Variants in SYNE2 observed in about 807,000 individuals in gnomAD.
SYNE2 encodes the protein nesprin-2.
Under a neutral mutation model 856.3 loss-of-function variants are expected in SYNE2, and 431 were observed. The ratio of observed to expected loss-of-function variants is 0.50; its 90% CI spans 0.47 to 0.55. The LOEUF (loss-of-function observed/expected upper bound fraction) is 0.55, where lower values mean the gene tolerates loss of function less well. SYNE2 is among the 20% of genes least tolerant of loss of function. The probability of loss-of-function intolerance (pLI) is 0.00; values close to 1 mark genes in which losing one functional copy is unlikely to be tolerated. For synonymous variants in SYNE2, 2,923 were observed against 2,872.3 expected, an observed-to-expected ratio of 1.02 and a Z score of -0.56; for missense variants, 8,129 against 8,023.2, an observed-to-expected ratio of 1.01 and a Z score of -0.50.
At chr14:63,881,897 TG>T (rs780592039) in intron 1 of SYNE2, among the ~76,000 whole-genome samples, 1 of 152,242 alleles carries the variant, frequency 6.6e-6, no homozygotes, top group South Asian at 2.1e-4. Flanking sequence ...TATTGAATTA[TG>T]GAGACTGTTA....
intron 1 of SYNE2, among the ~76,000 whole-genome samples, chr14:63,817,615 T>C (rs577140362): frequency 6.6e-6 from 1 of 152,354 alleles, no homozygotes; most frequent in East Asian, 1.9e-4. Flanking sequence ...CTTTAAATTA[T>C]AGTCAATAAA....
chr14:63,954,910 C>G lies in SYNE2; in HGVS notation c.782C>G (p.Pro261Arg). 6.2e-7 allele frequency: 1 copy of G among 1,611,702 alleles called. No individual in the cohort carries two copies. The highest frequency in any genetic ancestry group is 8.5e-7 in the Non-Finnish European group (1 of 1,178,954). The change falls in exon 8 of 116, where the codon CCA becomes CGA. Residue 261 changes from proline (P) to arginine (R), a missense_variant. Pro to Arg is a moderately radical substitution (Grantham distance 103, BLOSUM62 -2). Around this residue, in one of 3 missense-constraint regions of SYNE2, gnomAD observed 2,422 missense variants for 2,357.4 expected, o/e 1.03. Transcript: ENST00000555002. Reference sequence around the variant, plus strand: ...TTAAAAATCCCCAGATTGCTGGAACCAGAAGGTAAAGAAGCTTCTTTGTTT... The same window carrying G: ...TTAAAAATCCCCAGATTGCTGGAACGAGAAGGTAAAGAAGCTTCTTTGTTT... ...QELKIPRLLE[P>R]EDVDVVDPDE...
chr14:64,020,147 C>T, intron 35 of SYNE2, 54 bp downstream of exon 35: 2 of 1,139,030 alleles, frequency 1.8e-6, no homozygotes, highest in Non-Finnish European at 2.6e-6. Context: ...AAGCCATAAT[C>T]ATATCACTGC....
chr14:64,107,432 A>C, intron 64 of SYNE2, 59 bp from the exon 65 acceptor site: 1 of 1,433,948 alleles, frequency 7.0e-7, no homozygotes, highest in Non-Finnish European at 9.8e-7. Context: ...CGCAGAAAGA[A>C]GAATTCATGT....
intron 84 of SYNE2, 67 bp from the exon 85 acceptor site, chr14:64,152,497 T>C: frequency 6.5e-7 from 1 of 1,536,140 alleles, no homozygotes; most frequent in Non-Finnish European, 9.0e-7. Flanking sequence ...TGAACTCCTG[T>C]CTCTGACACC....
At chr14:63,771,896 C>CAAAAAAAAAAAAA (rs59481661) in intron 1 of SYNE2, among the ~76,000 whole-genome samples, 25 of 148,034 alleles carry the variant, frequency 1.7e-4, no homozygotes, top group African/African-American at 6.6e-4. Context: ...GACTCTGTCT[C>CAAAAAAAAAAAAA]AAAAAGCAAA....
At position 64,130,057 on chromosome 14, in the gene SYNE2, G is replaced by T; in HGVS notation, c.14149G>T (p.Asp4717Tyr). 1.2e-6 allele frequency: 2 copies of T among 1,613,804 alleles called. No homozygotes were observed. The highest frequency in any genetic ancestry group is 2.2e-5 in the East Asian group (1 of 44,884). Reference sequence around the variant, plus strand: ...GCTCTTCTCTTTTCAGGATGTACTTGACAGTATGTGGGGAATGCTAAGAGC... The same window carrying T: ...GCTCTTCTCTTTTCAGGATGTACTTTACAGTATGTGGGGAATGCTAAGAGC... ...QEVYKLEDVLDSMWGMLRARY... is the reference protein window; with the variant it reads ...QEVYKLEDVLYSMWGMLRARY... The change falls in exon 76 of 116, where the codon GAC becomes TAC. Residue 4717 changes from aspartate to tyrosine, a missense_variant. This residue lies in a region of SYNE2 where 5,410 missense variants were observed against 5,284.8 expected (regional missense o/e 1.02). Coordinates refer to ENST00000555002, the MANE Select transcript of SYNE2 (RefSeq NM_182914.3).
intron 114 of SYNE2, 109 bp from the exon 115 acceptor site, chr14:64,224,890 A>T: frequency 9.5e-7 from 1 of 1,056,108 alleles, no homozygotes; most frequent in Admixed American, 2.0e-5. Context: ...GTTTGGCTGT[A>T]ACACAACATA....
Position 64,076,038 on chromosome 14 carries a change from C to T in SYNE2, c.10960C>T (p.Pro3654Ser). The T allele has an allele frequency of 6.2e-7, 1 of 1,613,848 alleles. No individual in the cohort carries two copies. Residue 3654 changes from proline to serine, a missense_variant, in exon 54 of 116, where the codon CCT becomes TCT. Pro to Ser is a moderately conservative substitution (Grantham distance 74, BLOSUM62 -1). This residue lies in a region of SYNE2 where 5,410 missense variants were observed against 5,284.8 expected (regional missense o/e 1.02). Coordinates refer to ENST00000555002, the MANE Select transcript of SYNE2 (RefSeq NM_182914.3). ...IKYSEMYTIV[P>S]AEIESQVEEC... Reference sequence around the variant, plus strand: ...GTATTCCGAAATGTACACCATAGTCCCTGCAGAGATTGAATCCCAGGTGGA... The same window carrying T: ...GTATTCCGAAATGTACACCATAGTCTCTGCAGAGATTGAATCCCAGGTGGA...
rs1422325778 is a variant in SYNE2, at chr14:64,017,716, A to T, written c.5009A>T (p.Glu1670Val). The part of the protein sequence containing the change: ...EWTEKALQKM[E>V]LHQLTEEDRE... ...ACAGAAAAGGCCCTTCAAAAAATGG[A>T]ATTACATCAATTGACTGAAGAGGAC... The change falls in exon 34 of 116, where the codon GAA (glutamate) becomes GTA (valine). Residue 1670 changes from glutamate (E) to valine (V), a missense_variant. Around this residue, in one of 3 missense-constraint regions of SYNE2, gnomAD observed 2,422 missense variants for 2,357.4 expected, o/e 1.03. Coordinates refer to ENST00000555002, the MANE Select transcript of SYNE2 (RefSeq NM_182914.3). 6.2e-7 allele frequency: 1 copy of T among 1,613,784 alleles called. No homozygotes were observed. The highest frequency in any genetic ancestry group is 2.2e-5 in the East Asian group (1 of 44,770).
At position 64,061,290 on chromosome 14, in the gene SYNE2, T is replaced by A. The variant is rs569674150; in HGVS notation, c.10068-1461T>A. ...ATTCATGTTCTTAGTAAAATTTATT[T>A]ACTTAGCTATTGATGGACATTTGGA... is the stretch of plus-strand genomic sequence containing the variant. On this transcript the variant is annotated intron_variant, in intron 49 of 115. Transcript: ENST00000555002. Among the ~76,000 whole-genome samples the A allele has an allele frequency of 5.9e-5, 9 of 152,342 alleles. No homozygotes were observed. The South Asian group carries it at 1.7e-3, about 28-fold the overall frequency.
chr14:63,900,539 A>G (rs2095323318), intron 1 of SYNE2, among the ~76,000 whole-genome samples: 2 of 152,132 alleles, frequency 1.3e-5, no homozygotes, highest in African/African-American at 4.8e-5. Flanking sequence ...CCATAATTCA[A>G]TCACCCCCCA....
intron 85 of SYNE2, among the ~76,000 whole-genome samples, chr14:64,157,965 C>G (rs1227504225): frequency 1.3e-5 from 2 of 152,164 alleles, no homozygotes; most frequent in African/African-American, 4.8e-5. Flanking sequence ...TCTTTACATA[C>G]TCTTGATTGT....
At chr14:64,215,399 G>GC in intron 107 of SYNE2, 45 bp downstream of exon 107, 1 of 1,583,022 alleles carries the variant, frequency 6.3e-7, no homozygotes, top group Non-Finnish European at 8.7e-7. Flanking sequence ...GCATCCTGTG[G>GC]CGCACACTGC....
chr14:63,977,333 C>T (rs1245444665), intron 12 of SYNE2, among the ~76,000 whole-genome samples: 2 of 152,072 alleles, frequency 1.3e-5, no homozygotes, highest in Non-Finnish European at 2.9e-5. Context: ...CTGCCTCAGC[C>T]TCCCGAGTAG....
intron 17 of SYNE2, 37 bp downstream of exon 17, chr14:63,982,831 A>G: frequency 1.9e-6 from 3 of 1,599,536 alleles, no homozygotes; most frequent in Non-Finnish European, 2.6e-6. Context: ...TTATTTAGAT[A>G]TGATTCATGT....
intron 32 of SYNE2, among the ~76,000 whole-genome samples, chr14:64,014,744 A>G (rs2096874717): frequency 6.6e-6 from 1 of 151,634 alleles, no homozygotes; most frequent in Non-Finnish European, 1.5e-5. Flanking sequence ...TTTTTAAGGA[A>G]ACTGTCAAAA....
intron 1 of SYNE2, among the ~76,000 whole-genome samples, chr14:63,817,758 T>C (rs1889052612): frequency 6.6e-6 from 1 of 152,114 alleles, no homozygotes; most frequent in Non-Finnish European, 1.5e-5. Context: ...GCGTGGTGGC[T>C]CATGTCTATG....
chr14:64,003,419 C>T, intron 30 of SYNE2, 89 bp downstream of exon 30: 1 of 1,503,394 alleles, frequency 6.7e-7, no homozygotes, highest in South Asian at 1.1e-5. Flanking sequence ...CTTCCTATGT[C>T]TTTCTGCTTC....
Sources: gnomAD v4.1 joint callset for allele counts (sites outside exome capture counted in the v4.1 genomes callset) on GRCh38, gnomAD v4.1.1 for gene constraint, gnomAD v4.1.1 regional missense constraint, MANE v1.5 for transcripts, NCBI Gene and HGNC (gene_info 2026-07-23, HGNC 2026-07-21) for gene names.